The following UBE2W variants were observed in gnomAD, a reference collection of about 807,000 sequenced individuals.
The protein encoded by UBE2W is ubiquitin-conjugating enzyme E2 W.
In UBE2W, 18 loss-of-function variants were observed where a neutral mutation model predicts 27.2. The observed-to-expected ratio is 0.66, with a 90% CI of 0.46 to 0.98. The LOEUF (loss-of-function observed/expected upper bound fraction) is 0.98, where lower values mean the gene tolerates loss of function less well. Ranked by LOEUF, UBE2W falls within the 50% of genes least tolerant of loss-of-function variation. The pLI is 0.00. For missense variants in UBE2W, 90 were observed against 180.2 expected (o/e 0.50, Z 2.87); for synonymous variants, 53 against 57.2 (o/e 0.93, Z 0.33).
At chr8:73,782,772 C>T (rs1009143769), downstream of UBE2W, among the ~76,000 whole-genome samples, 2 of 152,114 alleles carry the variant, frequency 1.3e-5, no homozygotes, top group Admixed American at 1.3e-4. Context: ...TTTCTTTTCT[C>T]TTGGGCAAAT....
intron 1 of UBE2W, among the ~76,000 whole-genome samples, chr8:73,844,576 AG>A (rs1422892689): frequency 1.3e-5 from 2 of 150,426 alleles, no homozygotes; most frequent in African/African-American, 4.9e-5. Flanking sequence ...CACCCCGTCT[AG>A]GAAGTGAGGA....
chr8:73,858,680 T>G (rs1287589574), intron 1 of UBE2W, among the ~76,000 whole-genome samples: 1 of 66,270 alleles, frequency 1.5e-5, no homozygotes, highest in African/African-American at 8.7e-5. Context: ...TTAGAAAAAG[T>G]GCTAAAAAAA....
Position 73,791,738 on chromosome 8 carries a change from C to G in UBE2W, c.*2364G>C. On this transcript the variant is annotated 3_prime_UTR_variant, in exon 6 of 6. Coordinates refer to ENST00000602593, the MANE Select transcript of UBE2W (RefSeq NM_018299.6). Reference sequence around the variant, plus strand: ...TAGCCTGATTATGAATTTTAAATGTCTGTGCTCCTATATTTTAGGATATTT... The same window carrying G: ...TAGCCTGATTATGAATTTTAAATGTGTGTGCTCCTATATTTTAGGATATTT... The G allele has an allele frequency of 1.0e-6, 1 of 982,994 alleles. No individual in the cohort carries two copies. Among genetic ancestry groups the G allele is most frequent in the Non-Finnish European group, 1.2e-6 (1 of 828,632 alleles). The allele number at this position is 982,994 out of a possible 1,614,324, so 60.9% of individuals were successfully genotyped here.
intron 1 of UBE2W, among the ~76,000 whole-genome samples, chr8:73,868,785 G>A (rs1811882467): frequency 6.6e-6 from 1 of 151,502 alleles, no homozygotes; most frequent in Non-Finnish European, 1.5e-5. Flanking sequence ...AAAAATCATT[G>A]TTTTTTCTCT....
rs1034315640 is a variant in UBE2W at position 73,787,552 on chromosome 8, C to T, written c.*6550G>A. On this transcript the variant is annotated 3_prime_UTR_variant, in exon 6 of 6. Coordinates refer to ENST00000602593, the MANE Select transcript of UBE2W (RefSeq NM_018299.6). ...GATCGTTTTTATGGCAGAATGGCTG[C>T]CTCAATGAGGACTAAGGTGCTCCTG... 8 of 985,244 alleles carry T rather than the reference C, an allele frequency of 8.1e-6. No homozygotes were observed. Among genetic ancestry groups the T allele is most frequent in the Non-Finnish European group, 9.6e-6 (8 of 829,930 alleles). The allele number at this position is 985,244 out of a possible 1,614,324, so 61.0% of individuals were successfully genotyped here.
At chr8:73,870,288 C>T (rs1811950477) in intron 1 of UBE2W, 1 of 1,586,084 alleles carries the variant, frequency 6.3e-7, no homozygotes. Context: ...TACTTCCACC[C>T]TCCTTCCTGT....
intron 1 of UBE2W, among the ~76,000 whole-genome samples, chr8:73,874,730 C>G (rs1812146514): frequency 1.3e-5 from 2 of 151,512 alleles, no homozygotes; most frequent in South Asian, 4.2e-4. Context: ...TAACTCCTAT[C>G]AATTTTAGGT....
At chr8:73,805,801 GA>G in intron 4 of UBE2W, 75 bp from the exon 5 acceptor site, 1 of 811,150 alleles carries the variant, frequency 1.2e-6, no homozygotes, top group Non-Finnish European at 1.8e-6. Context: ...AAAAGCTTAA[GA>G]AAAATTAACA....
intron 1 of UBE2W, among the ~76,000 whole-genome samples, chr8:73,867,000 T>TC (rs1554586555): frequency 1.4e-5 from 2 of 141,944 alleles, no homozygotes; most frequent in Admixed American, 7.0e-5. Context: ...CGAGGCTCCG[T>TC]CCCAAAAAAA....
chr8:73,819,880 A>T (rs992017594), intron 3 of UBE2W, among the ~76,000 whole-genome samples: 1 of 152,234 alleles, frequency 6.6e-6, no homozygotes, highest in Non-Finnish European at 1.5e-5. Context: ...CAGTAATTTC[A>T]CAATGAGATT....
In UBE2W at chr8:73,798,027, C is replaced by T. The variant is rs999388276; in HGVS notation, c.443-3912G>A. 3.9e-5 allele frequency among the ~76,000 whole-genome samples: 6 copies of T among 152,276 alleles called. No homozygotes were observed. The East Asian group carries it at 5.8e-4, about 15-fold the overall frequency. On this transcript the variant is annotated intron_variant, in intron 5 of 5. Transcript: ENST00000602593. Reference sequence around the variant, plus strand: ...TATAGGTCCAGTGTGGTGGCTCATGCCTGCAATCCCAGCACTTTGGGAGGC... The same window carrying T: ...TATAGGTCCAGTGTGGTGGCTCATGTCTGCAATCCCAGCACTTTGGGAGGC...
rs1027120371 is a variant in UBE2W, at chr8:73,791,388, TAAATA to T, written c.*2709_*2713del. On this transcript the variant is annotated 3_prime_UTR_variant, in exon 6 of 6. Coordinates refer to ENST00000602593, the MANE Select transcript of UBE2W (RefSeq NM_018299.6). The stretch of plus-strand genomic sequence containing the variant: ...GAAGAATGGCCTAAAAATAAATAAA[TAAATA>T]AATAAAAGAAGAAGAGTGTACCTTA... 1.0e-6 allele frequency: 1 copy of T among 983,388 alleles called. No individual in the cohort carries two copies. The highest frequency in any genetic ancestry group is 1.8e-5 in the African/African-American group (1 of 56,964). 60.9% of individuals were successfully genotyped at this position (983,388 alleles called of 1,614,324 possible).
At chr8:73,804,382 C>A (rs1234892991) in intron 5 of UBE2W, among the ~76,000 whole-genome samples, 2 of 151,478 alleles carry the variant, frequency 1.3e-5, no homozygotes, top group African/African-American at 4.9e-5. Flanking sequence ...TCAAAAACTA[C>A]ATTGAAGAAT....
intron 4 of UBE2W, among the ~76,000 whole-genome samples, chr8:73,808,584 C>T (rs899425803): frequency 1.3e-5 from 2 of 152,162 alleles, no homozygotes; most frequent in South Asian, 2.1e-4. Context: ...AATGCCAGAT[C>T]GTCTCAATGC....
intron 3 of UBE2W, among the ~76,000 whole-genome samples, chr8:73,824,761 C>T (rs950996958): frequency 6.6e-6 from 1 of 152,190 alleles, no homozygotes; most frequent in African/African-American, 2.4e-5. Context: ...CTAATGCCAT[C>T]GCTGATCTGA....
Position 73,837,133 on chromosome 8 carries a change from A to C in UBE2W, c.16-6661T>G, listed in dbSNP as rs116280721. On this transcript the variant is annotated intron_variant, in intron 1 of 5. Transcript: ENST00000602593. Reference sequence around the variant, plus strand: ...ATTTTATGTGTCACTAGGAAAGAAAAACTGCTGCCAATTAAACAATGACAC... The same window carrying C: ...ATTTTATGTGTCACTAGGAAAGAAACACTGCTGCCAATTAAACAATGACAC... 3.4e-3 allele frequency among the ~76,000 whole-genome samples: 522 copies of C among 152,326 alleles called. 5 individuals are homozygous for C. Among genetic ancestry groups the C allele is most frequent in the African/African-American group, 0.012 (496 of 41,568 alleles).
In UBE2W at chr8:73,791,662, A is replaced by T; in HGVS notation, c.*2440T>A. The T allele has an allele frequency of 1.0e-6, 1 of 985,012 alleles. No individual in the cohort carries two copies. The highest frequency in any genetic ancestry group is 1.1e-4 in the East Asian group (1 of 8,804). The allele number at this position is 985,012 out of a possible 1,614,324, so 61.0% of individuals were successfully genotyped here. On this transcript the variant is annotated 3_prime_UTR_variant, in exon 6 of 6. Transcript: ENST00000602593. Reference sequence around the variant, plus strand: ...AATAATGTAACTAACATATAAATTAAATCTAAGTGCAAGGAGTTTTCAATG... The same window carrying T: ...AATAATGTAACTAACATATAAATTATATCTAAGTGCAAGGAGTTTTCAATG...
At chr8:73,796,689 G>T (rs1432378089) in intron 5 of UBE2W, 1 of 981,552 alleles carries the variant, frequency 1.0e-6, no homozygotes, top group Non-Finnish European at 1.2e-6. Flanking sequence ...AATCCATGAT[G>T]GCTATATGTA....
intron 1 of UBE2W, among the ~76,000 whole-genome samples, chr8:73,866,052 T>C (rs1586545236): frequency 6.6e-6 from 1 of 151,628 alleles, no homozygotes; most frequent in African/African-American, 2.4e-5. Context: ...CCAAGGCAGG[T>C]GGATCATGAG....
Sources: gnomAD v4.1 joint callset for allele counts (sites outside exome capture counted in the v4.1 genomes callset) on GRCh38, gnomAD v4.1.1 for gene constraint, MANE v1.5 for transcripts, NCBI Gene and HGNC (gene_info 2026-07-23, HGNC 2026-07-21) for gene names.